The following COL28A1 variants were observed in gnomAD, a reference collection of about 807,000 sequenced individuals.
COL28A1 encodes the protein collagen type XXVIII alpha 1 chain.
COL28A1 carries 161 observed loss-of-function variants against 150.2 expected under a neutral mutation model. The ratio of observed to expected loss-of-function variants is 1.07; its 90% CI spans 0.94 to 1.22. COL28A1 has a LOEUF of 1.22. COL28A1 is among the 50% of genes most tolerant of loss of function. COL28A1 has a pLI of 0.00. For missense variants in COL28A1, 1,617 were observed against 1,388.3 expected (o/e 1.16, Z -2.62); for synonymous variants, 552 against 469.7 (o/e 1.18, Z -2.26).
Position 7,399,151 on chromosome 7 carries a change from T to G in COL28A1, c.2137-17539A>C, listed in dbSNP as rs550636494. ...AAAATACACCTTAGCCACATCTGCT[T>G]TTCACTCTTGGCTTTCCTTTCTCCA... On this transcript the variant is annotated intron_variant, in intron 27 of 34. Transcript: ENST00000399429. Among the ~76,000 whole-genome samples, 11 of 152,254 alleles carry G rather than the reference T, an allele frequency of 7.2e-5. 1 individual carries two copies. The East Asian group carries it at 9.6e-4, about 13-fold the overall frequency.
downstream of COL28A1, among the ~76,000 whole-genome samples, chr7:7,351,759 ATG>A (rs1490059869): frequency 6.6e-6 from 1 of 151,912 alleles, no homozygotes; most frequent in Non-Finnish European, 1.5e-5. Context: ...GTGTGTGTGT[ATG>A]TGTGTGTATG....
rs1342896262 is a variant in COL28A1 at position 7,373,368 on chromosome 7, C to T, written c.2538G>A (p.Val846=). ...ACTGCTTCAAATTAGCCACCTTCTCCACCTTATGGCTATAGTTGATTATGC... is the reference window on the plus strand; with the variant it reads ...ACTGCTTCAAATTAGCCACCTTCTCTACCTTATGGCTATAGTTGATTATGC... ...RIGIINYSHK[V]EKVANLKQFS... Residue 846 remains valine, a synonymous_variant, in exon 32 of 35, where the codon GTG becomes GTA. Transcript: ENST00000399429. This position sits in a 1 kb window ranked among gnomAD's most constrained non-coding sequence, Gnocchi z 4.1. 4 of 1,614,198 alleles carry T rather than the reference C, an allele frequency of 2.5e-6. No individual in the cohort carries two copies. The highest frequency in any genetic ancestry group is 1.3e-5 in the African/African-American group (1 of 75,028).
intron 2 of COL28A1, 91 bp from the exon 3 acceptor site, chr7:7,531,995 T>C: frequency 1.4e-6 from 1 of 722,288 alleles, no homozygotes. Flanking sequence ...GTGTTGTATA[T>C]TGTTTGGTGT....
chr7:7,376,691 T>G (rs896169675), intron 30 of COL28A1, among the ~76,000 whole-genome samples: 8 of 146,996 alleles, frequency 5.4e-5, no homozygotes, highest in African/African-American at 7.6e-5. Flanking sequence ...ATATATGTAT[T>G]TATATATTTA....
intron 27 of COL28A1, among the ~76,000 whole-genome samples, chr7:7,399,767 T>C (rs976192397): frequency 6.6e-6 from 1 of 152,260 alleles, no homozygotes; most frequent in African/African-American, 2.4e-5. Flanking sequence ...AGGGCCACTT[T>C]ATTAAAAAAT....
intron 27 of COL28A1, among the ~76,000 whole-genome samples, chr7:7,397,342 C>T (rs534818254): frequency 6.6e-6 from 1 of 152,212 alleles, no homozygotes; most frequent in South Asian, 2.1e-4. Flanking sequence ...GACATTCGGG[C>T]CTTATATTCA....
At chr7:7,529,506 C>T (rs929262578) in intron 3 of COL28A1, among the ~76,000 whole-genome samples, 1 of 152,058 alleles carries the variant, frequency 6.6e-6, no homozygotes, top group Non-Finnish European at 1.5e-5. Flanking sequence ...AAGCTGAAGT[C>T]GCCGGATGCT....
rs377367044 is a variant in COL28A1, at chr7:7,532,878, T to G, written c.-3A>C. ...AAGACAAAATATCTGTTCCACATTATGGTAGATGGTGAAAAATCATCTGTC... is the reference window on the plus strand; with the variant it reads ...AAGACAAAATATCTGTTCCACATTAGGGTAGATGGTGAAAAATCATCTGTC... On this transcript the variant is annotated 5_prime_UTR_variant, in exon 2 of 35. Coordinates refer to ENST00000399429, the MANE Select transcript of COL28A1 (RefSeq NM_001037763.3). 3 of 1,594,276 alleles carry G rather than the reference T, an allele frequency of 1.9e-6. No individual in the cohort carries two copies. The highest frequency in any genetic ancestry group is 2.6e-6 in the Non-Finnish European group (3 of 1,174,378).
At chr7:7,503,155 A>G (rs1780628345) in intron 11 of COL28A1, among the ~76,000 whole-genome samples, 1 of 152,178 alleles carries the variant, frequency 6.6e-6, no homozygotes, top group Non-Finnish European at 1.5e-5. Flanking sequence ...AAATTCAGCA[A>G]TTTTTCCTAA....
At chr7:7,541,210 T>C in the COL28A1 span, among the ~76,000 whole-genome samples, 4 of 152,168 alleles carry the variant, frequency 2.6e-5, no homozygotes, top group Non-Finnish European at 5.9e-5. Flanking sequence ...AATTATATAG[T>C]TCCTCCTGCA....
chr7:7,406,249 G>T (rs1288535258), intron 27 of COL28A1, among the ~76,000 whole-genome samples: 1 of 152,166 alleles, frequency 6.6e-6, no homozygotes, highest in Non-Finnish European at 1.5e-5. Context: ...ATAATTGTTT[G>T]TTGAATTAAA....
At chr7:7,426,898 C>G (rs920750833) in intron 25 of COL28A1, among the ~76,000 whole-genome samples, 2 of 152,154 alleles carry the variant, frequency 1.3e-5, no homozygotes, top group African/African-American at 4.8e-5. Flanking sequence ...CTGCCCCTTA[C>G]GACAGTGAGA....
rs116069417 is a variant in COL28A1, at chr7:7,462,038, G to A, written c.1303-5926C>T. 3.5e-3 allele frequency among the ~76,000 whole-genome samples: 528 copies of A among 152,246 alleles called. 2 individuals carry two copies. Among genetic ancestry groups the A allele is most frequent in the African/African-American group, 0.012 (507 of 41,534 alleles). ...ATCCATGGCTGAGGGACCCACAGAC[G>A]GTTCACATCATAGGACTCTGTGCAA... On this transcript the variant is annotated intron_variant, in intron 15 of 34. Coordinates refer to ENST00000399429, the MANE Select transcript of COL28A1 (RefSeq NM_001037763.3).
At chr7:7,456,491 G>GA (rs1257571476) in intron 15 of COL28A1, among the ~76,000 whole-genome samples, 1 of 152,042 alleles carries the variant, frequency 6.6e-6, no homozygotes, top group Admixed American at 6.6e-5. Flanking sequence ...ATAAATTGAA[G>GA]AAAAATATTT....
At chr7:7,342,569 A>G in the COL28A1 span, among the ~76,000 whole-genome samples, 1 of 151,724 alleles carries the variant, frequency 6.6e-6, no homozygotes, top group Non-Finnish European at 1.5e-5. Context: ...TTTTCCATCT[A>G]CTAGATTTGA....
At chr7:7,407,366 T>C (rs975462719) in intron 27 of COL28A1, among the ~76,000 whole-genome samples, 9 of 151,956 alleles carry the variant, frequency 5.9e-5, no homozygotes, top group South Asian at 4.2e-4. Context: ...TTAAACAAGA[T>C]AAATAAAAAG....
chr7:7,492,418 T>TAA (rs756842702), intron 11 of COL28A1, among the ~76,000 whole-genome samples: 1,375 of 124,650 alleles, frequency 0.011, 29 homozygotes, highest in African/African-American at 0.038. Flanking sequence ...CTAAAAATAC[T>TAA]AAAAAAAAAA....
At chr7:7,489,265 C>T (rs542179970) in intron 13 of COL28A1, 124 bp downstream of exon 13, 2 of 657,596 alleles carry the variant, frequency 3.0e-6, no homozygotes, top group Admixed American at 2.7e-5. Context: ...GAGATTCCGT[C>T]TCAAAAAAAT....
intron 1 of COL28A1, among the ~76,000 whole-genome samples, chr7:7,535,214 G>A (rs1176696196): frequency 2.6e-5 from 4 of 152,038 alleles, no homozygotes; most frequent in East Asian, 1.9e-4. Context: ...ATCAAATACC[G>A]TAGTTTTACT....
Sources: allele counts gnomAD v4.1 joint callset (sites outside exome capture counted in the v4.1 genomes callset), GRCh38; gene constraint gnomAD v4.1.1; non-coding constraint Gnocchi (gnomAD v3.1); transcripts MANE v1.5; gene names NCBI Gene and HGNC (gene_info 2026-07-23, HGNC 2026-07-21).